The following CCDC57 variants were observed in gnomAD, a reference collection of about 807,000 sequenced individuals.
The protein encoded by CCDC57 is coiled-coil domain containing 57.
CCDC57 carries 118 observed loss-of-function variants against 118.9 expected under a neutral mutation model. That is an observed-to-expected ratio of 0.99 (90% CI 0.86 to 1.16). CCDC57 has a LOEUF of 1.16. CCDC57 is among the 50% of genes most tolerant of loss of function. The probability of loss-of-function intolerance (pLI) is 0.00; values close to 1 mark genes in which losing one functional copy is unlikely to be tolerated. For missense variants in CCDC57, 1,300 were observed against 1,320.7 expected (o/e 0.98, Z 0.24); for synonymous variants, 527 against 532.9 (o/e 0.99, Z 0.15).
intron 7 of CCDC57, among the ~76,000 whole-genome samples, chr17:82,191,418 G>A (rs1006443994): frequency 1.1e-4 from 17 of 152,148 alleles, no homozygotes; most frequent in African/African-American, 2.4e-4. Context: ...GTGTTAAAGC[G>A]GGATTGGCAC....
intron 18 of CCDC57, among the ~76,000 whole-genome samples, chr17:82,128,196 T>A (rs984710224): frequency 6.6e-6 from 1 of 152,002 alleles, no homozygotes; most frequent in Non-Finnish European, 1.5e-5. Flanking sequence ...TTCGTTTCGA[T>A]GGGGAATGAG....
exon 3 of CCDC57, chr17:82,201,548 G>T: frequency 1.2e-6 from 2 of 1,604,322 alleles, no homozygotes; most frequent in South Asian, 2.2e-5. Context: ...CTGTGGACGC[G>T]CTCCAGCTCC....
intron 1 of CCDC57, among the ~76,000 whole-genome samples, chr17:82,210,993 T>TA (rs1207759837): frequency 6.3e-4 from 43 of 68,788 alleles, no homozygotes; most frequent in Admixed American, 1.1e-3. Flanking sequence ...GACTCCGTCT[T>TA]AAAAAAAAAA....
chr17:82,206,037 C>T (rs1020622011), intron 2 of CCDC57, among the ~76,000 whole-genome samples: 1 of 149,722 alleles, frequency 6.7e-6, no homozygotes, highest in African/African-American at 2.5e-5. Flanking sequence ...GGCCAGCAGG[C>T]GTCCCCAGCA....
chr17:82,190,695 CAA>C (rs533549239), intron 7 of CCDC57, among the ~76,000 whole-genome samples: 1,188 of 49,826 alleles, frequency 0.024, 15 homozygotes, highest in African/African-American at 0.078. Context: ...GACTCTGTCT[CAA>C]AAAAAAAAAA....
chr17:82,167,026 G>C (rs902141936), intron 13 of CCDC57, among the ~76,000 whole-genome samples: 1 of 152,058 alleles, frequency 6.6e-6, no homozygotes, highest in Non-Finnish European at 1.5e-5. Flanking sequence ...CAGCAAAATG[G>C]AAATGACAAA....
intron 17 of CCDC57, among the ~76,000 whole-genome samples, chr17:82,133,106 C>A (rs1428183088): frequency 3.3e-5 from 5 of 152,140 alleles, no homozygotes; most frequent in Non-Finnish European, 7.3e-5. Context: ...TGCACTGACT[C>A]ATGCCCATAA....
exon 20 of CCDC57, chr17:82,101,791 G>A (rs1384884092): frequency 6.2e-7 from 1 of 1,608,102 alleles, no homozygotes; most frequent in Non-Finnish European, 8.5e-7. Context: ...CTGGGCTGCT[G>A]TCTTCATCCC....
Position 82,151,632 on chromosome 17 carries a change from TG to T in CCDC57, c.2382del (p.Ser795AlafsTer108), listed in dbSNP as rs1479732073. ...AGCTGCTCTTTCTCCAGGCGGAGGC[TG>T]ATGATTTTTCTGGCTGCCTCCTTCA... is the stretch of plus-strand genomic sequence containing the variant. On this transcript the variant is annotated frameshift_variant, in exon 16 of 20. Coordinates refer to ENST00000665763, the Ensembl canonical transcript of CCDC57. LOFTEE classifies it high-confidence loss of function. The T allele has an allele frequency of 3.2e-6, 5 of 1,550,298 alleles. No individual in the cohort carries two copies. Among genetic ancestry groups the T allele is most frequent in the Non-Finnish European group, 4.4e-6 (5 of 1,147,000 alleles).
At chr17:82,186,349 G>A (rs1032872239) in intron 8 of CCDC57, among the ~76,000 whole-genome samples, 1 of 152,146 alleles carries the variant, frequency 6.6e-6, no homozygotes, top group Non-Finnish European at 1.5e-5. Flanking sequence ...GCAACGGGGG[G>A]CCAAGGTTAG....
At chr17:82,196,145 G>A (rs4641801) in intron 4 of CCDC57, among the ~76,000 whole-genome samples, 74,519 of 151,924 alleles carry the variant, frequency 0.49, 19,095 homozygotes, top group East Asian at 0.88. Context: ...ACTGTCCCCA[G>A]ATGCTGCCAA....
At chr17:82,131,731 G>A (rs1175832602) in intron 17 of CCDC57, among the ~76,000 whole-genome samples, 3 of 151,448 alleles carry the variant, frequency 2.0e-5, no homozygotes, top group South Asian at 2.1e-4. Flanking sequence ...CAGCCTGGGC[G>A]ACAGAGCAAG....
chr17:82,194,333 CAG>C lies in CCDC57; in HGVS notation c.619-196_619-195del, dbSNP rs777666726. 404 of 569,848 alleles carry C rather than the reference CAG, an allele frequency of 7.1e-4. 2 individuals carry two copies. The highest frequency in any genetic ancestry group is 1.8e-3 in the Admixed American group (54 of 30,416). 35.3% of individuals were successfully genotyped at this position (569,848 alleles called of 1,614,324 possible). On this transcript the variant is annotated intron_variant, in intron 5 of 19. Coordinates refer to ENST00000665763, the Ensembl canonical transcript of CCDC57. Reference sequence around the variant, plus strand: ...ACTTTTTTTTTTTTCTTTTTGGAGACAGAGTCTTGCTCTGTTGCCCAGGCTGG... The same window carrying C: ...ACTTTTTTTTTTTTCTTTTTGGAGACAGTCTTGCTCTGTTGCCCAGGCTGG...
chr17:82,187,451 C>T, intron 8 of CCDC57, among the ~76,000 whole-genome samples: 1 of 135,758 alleles, frequency 7.4e-6, no homozygotes, highest in Middle Eastern at 3.2e-3. Context: ...ACAAATACTG[C>T]ATGATTCCAA....
chr17:82,188,567 G>A (rs1308541791), intron 7 of CCDC57, 148 bp from the exon 7 acceptor site: 3 of 807,466 alleles, frequency 3.7e-6, no homozygotes, highest in Non-Finnish European at 3.8e-6. Context: ...CTGGCCACCT[G>A]TTCCTCATTC....
At chr17:82,204,435 C>G (rs1171523601) in intron 2 of CCDC57, among the ~76,000 whole-genome samples, 1 of 152,202 alleles carries the variant, frequency 6.6e-6, no homozygotes, top group African/African-American at 2.4e-5. Context: ...GAGACCTCAA[C>G]TGGCCTCTGC....
intron 13 of CCDC57, among the ~76,000 whole-genome samples, chr17:82,169,795 G>T (rs1300193570): frequency 6.6e-6 from 1 of 152,210 alleles, no homozygotes; most frequent in Non-Finnish European, 1.5e-5. Context: ...TAGAATGCTA[G>T]AATGAACCTT....
intron 19 of CCDC57, among the ~76,000 whole-genome samples, chr17:82,114,203 G>A (rs570998995): frequency 1.3e-5 from 2 of 152,300 alleles, no homozygotes; most frequent in East Asian, 1.9e-4. Context: ...TGTCACAGCC[G>A]GCTCCTCACC....
At chr17:82,108,896 G>C (rs1298170488) in intron 19 of CCDC57, 1 of 152,242 alleles carries the variant, frequency 6.6e-6, no homozygotes, top group Non-Finnish European at 1.5e-5. Context: ...TCTGTGGGGA[G>C]TGGGCGCGTG....
Sources: allele counts gnomAD v4.1 joint callset (sites outside exome capture counted in the v4.1 genomes callset), GRCh38; gene constraint gnomAD v4.1.1; transcripts MANE v1.5; gene names NCBI Gene and HGNC (gene_info 2026-07-23, HGNC 2026-07-21).